TAF3: variants seen among roughly 807,000 people sequenced by gnomAD.
TAF3 encodes the protein transcription initiation factor TFIID subunit 3.
A neutral mutation model predicts 80.6 loss-of-function variants in TAF3; 7 were observed. The ratio of observed to expected loss-of-function variants is 0.09; its 90% CI spans 0.05 to 0.16. TAF3 has a LOEUF of 0.16. TAF3 is among the 10% of genes least tolerant of loss of function. The probability of loss-of-function intolerance (pLI) is 1.00; values close to 1 mark genes in which losing one functional copy is unlikely to be tolerated. For synonymous variants in TAF3, 444 were observed against 446.1 expected (o/e 1.00, Z 0.06); for missense variants, 921 against 1,140.2 (o/e 0.81, Z 2.77).
rs1385395780 is a variant in TAF3, at chr10:7,863,657, A to G, written c.409+39097A>G. On this transcript the variant is annotated intron_variant, in intron 2 of 6. Coordinates refer to ENST00000344293, the MANE Select transcript of TAF3 (RefSeq NM_031923.4). Reference sequence around the variant, plus strand: ...TATATATATATATATACACACACACATATATATATACACACATATATATAT... The same window carrying G: ...TATATATATATATATACACACACACGTATATATATACACACATATATATAT... Among the ~76,000 whole-genome samples the G allele has an allele frequency of 3.0e-5, 3 of 101,400 alleles. 1 individual carries two copies. Among genetic ancestry groups the G allele is most frequent in the African/African-American group, 1.1e-4 (3 of 28,220 alleles). 66.5% of individuals were successfully genotyped at this position (101,400 alleles called of 152,430 possible).
intron 2 of TAF3, among the ~76,000 whole-genome samples, chr10:7,866,488 A>G (rs1472632262): frequency 1.3e-5 from 2 of 152,214 alleles, no homozygotes; most frequent in Non-Finnish European, 2.9e-5. Context: ...AGAGTGTGCT[A>G]GACAGAGAAG....
intron 2 of TAF3, among the ~76,000 whole-genome samples, chr10:7,900,806 TAAG>T (rs1361093941): frequency 4.6e-5 from 7 of 152,188 alleles, no homozygotes; most frequent in Non-Finnish European, 8.8e-5. Context: ...GGCTTCGTAT[TAAG>T]AAGGTAAAGA....
chr10:7,828,434 G>C (rs1287802696), intron 2 of TAF3, among the ~76,000 whole-genome samples: 6 of 152,166 alleles, frequency 3.9e-5, no homozygotes, highest in African/African-American at 1.4e-4. Flanking sequence ...TATATGTTTA[G>C]AAGTGAGACC....
At chr10:7,931,014 C>T (rs1837863503) in intron 2 of TAF3, among the ~76,000 whole-genome samples, 1 of 152,160 alleles carries the variant, frequency 6.6e-6, no homozygotes, top group Admixed American at 6.5e-5. Flanking sequence ...TAATTTGACT[C>T]TACAGTACCA....
At chr10:7,929,822 A>G (rs1034124774) in intron 2 of TAF3, among the ~76,000 whole-genome samples, 1 of 150,742 alleles carries the variant, frequency 6.6e-6, no homozygotes, top group Non-Finnish European at 1.5e-5. Context: ...GGTAAGATGG[A>G]AAAAAAAAAT....
chr10:7,936,466 C>T (rs112348743), intron 2 of TAF3, among the ~76,000 whole-genome samples: 1,856 of 150,664 alleles, frequency 0.012, 47 homozygotes, highest in African/African-American at 0.043. Flanking sequence ...TATGGATTGG[C>T]ATATCAGAAG....
At position 7,922,317 on chromosome 10, in the gene TAF3, T is replaced by C. The variant is rs371416699; in HGVS notation, c.410-41603T>C. ...TGTGGTAGATTTCTTTATTGCTGTT[T>C]CATAGAATCAGAGGACCAGTTTATG... On this transcript the variant is annotated intron_variant, in intron 2 of 6. Transcript: ENST00000344293. Among the ~76,000 whole-genome samples, 9 of 152,080 alleles carry C rather than the reference T, an allele frequency of 5.9e-5. No individual in the cohort carries two copies. In the East Asian group the frequency reaches 1.3e-3, roughly 23 times the overall value.
intron 2 of TAF3, among the ~76,000 whole-genome samples, chr10:7,958,197 C>CT (rs1261220397): frequency 6.6e-6 from 1 of 152,104 alleles, no homozygotes; most frequent in Non-Finnish European, 1.5e-5. Context: ...ATTCCAAACA[C>CT]TTAAAACATA....
chr10:7,833,116 A>G (rs1442845110), intron 2 of TAF3, among the ~76,000 whole-genome samples: 1 of 152,214 alleles, frequency 6.6e-6, no homozygotes, highest in Non-Finnish European at 1.5e-5. Context: ...GTTAATGGAC[A>G]CTTAGGTTAT....
intron 2 of TAF3, among the ~76,000 whole-genome samples, chr10:7,959,578 T>A (rs1838169557): frequency 6.6e-6 from 1 of 152,194 alleles, no homozygotes; most frequent in Non-Finnish European, 1.5e-5. Context: ...TCAAGCTTAA[T>A]GTTAAGTTTT....
chr10:7,972,983 G>A (rs186936705), intron 3 of TAF3, among the ~76,000 whole-genome samples: 49 of 152,282 alleles, frequency 3.2e-4, no homozygotes, highest in Admixed American at 1.1e-3. Flanking sequence ...CACAATGTGC[G>A]TCAGAGAGTT....
At chr10:7,913,110 T>G (rs1737709845) in intron 2 of TAF3, among the ~76,000 whole-genome samples, 1 of 152,136 alleles carries the variant, frequency 6.6e-6, no homozygotes, top group African/African-American at 2.4e-5. Flanking sequence ...GCCCGTGATG[T>G]CTCTCTTCCT....
At chr10:7,963,570 C>T (rs373425677) in intron 2 of TAF3, among the ~76,000 whole-genome samples, 4 of 151,860 alleles carry the variant, frequency 2.6e-5, no homozygotes, top group South Asian at 2.1e-4. Flanking sequence ...CATGTTTGAA[C>T]GCCGCATGTT....
At chr10:7,938,690 TAAGAG>T (rs1177020198) in intron 2 of TAF3, among the ~76,000 whole-genome samples, 2 of 152,054 alleles carry the variant, frequency 1.3e-5, no homozygotes, top group Non-Finnish European at 2.9e-5. Flanking sequence ...GAAACTGAGA[TAAGAG>T]AGGAGGAATC....
chr10:7,890,159 G>A (rs1181919395), intron 2 of TAF3, among the ~76,000 whole-genome samples: 1 of 152,134 alleles, frequency 6.6e-6, no homozygotes, highest in Non-Finnish European at 1.5e-5. Flanking sequence ...TTTTTCACCA[G>A]ACTGCAGCCA....
chr10:7,937,669 G>A (rs562925308), intron 2 of TAF3, among the ~76,000 whole-genome samples: 3 of 152,230 alleles, frequency 2.0e-5, no homozygotes, highest in African/African-American at 7.2e-5. Context: ...GCTCCATCCT[G>A]AAGGATGAGT....
chr10:7,832,299 CCTT>C (rs915224918), intron 2 of TAF3, among the ~76,000 whole-genome samples: 1 of 152,084 alleles, frequency 6.6e-6, no homozygotes, highest in African/African-American at 2.4e-5. Flanking sequence ...TGGTATGTCT[CCTT>C]CTGTGCCTGG....
chr10:7,995,266 T>C (rs1831877232), intron 4 of TAF3, among the ~76,000 whole-genome samples: 7 of 152,210 alleles, frequency 4.6e-5, no homozygotes, highest in Admixed American at 3.9e-4. Context: ...TTGAGGTTCA[T>C]TCATTTCATC....
intron 4 of TAF3, among the ~76,000 whole-genome samples, chr10:7,988,129 T>C (rs1174875687): frequency 6.6e-6 from 1 of 152,154 alleles, no homozygotes; most frequent in Non-Finnish European, 1.5e-5. Context: ...AAAACAGTTT[T>C]TAAGGCCAAT....
Sources: gnomAD v4.1 joint callset for allele counts (sites outside exome capture counted in the v4.1 genomes callset) on GRCh38, gnomAD v4.1.1 for gene constraint, MANE v1.5 for transcripts, NCBI Gene and HGNC (gene_info 2026-07-23, HGNC 2026-07-21) for gene names.